Variants in LARGE1 observed in about 807,000 individuals in gnomAD.
LARGE1 encodes xylosyl- and glucuronyltransferase LARGE1.
Under a neutral mutation model 87.6 loss-of-function variants are expected in LARGE1, and 43 were observed. That is an observed-to-expected ratio of 0.49 (90% CI 0.38 to 0.63). The LOEUF (loss-of-function observed/expected upper bound fraction) is 0.63, where lower values mean the gene tolerates loss of function less well. Ranked by LOEUF, LARGE1 falls within the 30% of genes least tolerant of loss-of-function variation. The pLI, the probability that LARGE1 is intolerant of heterozygous loss-of-function variation, is 0.00. For synonymous variants in LARGE1, 434 were observed against 394.6 expected (o/e 1.10, Z -1.18); for missense variants, 802 against 1,000.2 (o/e 0.80, Z 2.67).
intron 3 of LARGE1, among the ~76,000 whole-genome samples, chr22:33,648,771 AC>A (rs1276117214): frequency 1.3e-5 from 2 of 152,214 alleles, no homozygotes; most frequent in Non-Finnish European, 2.9e-5. Flanking sequence ...AGCATTTATC[AC>A]GTCCTGACAT....
chr22:33,918,949 A>G (rs554989904), intron 1 of LARGE1, among the ~76,000 whole-genome samples: 64 of 151,928 alleles, frequency 4.2e-4, no homozygotes, highest in African/African-American at 1.5e-3. Context: ...GGGCACTTAC[A>G]TAAGACCCTG....
intron 1 of LARGE1, among the ~76,000 whole-genome samples, chr22:33,764,521 G>A (rs951450163): frequency 6.6e-6 from 1 of 152,124 alleles, no homozygotes. Context: ...ACTTTGGGAG[G>A]CCGAGGTGGG....
chr22:33,114,045 A>ATTTTTTT, the LARGE1 span, among the ~76,000 whole-genome samples: 2 of 135,748 alleles, frequency 1.5e-5, no homozygotes, highest in Admixed American at 7.4e-5. Flanking sequence ...TAATTTTTCT[A>ATTTTTTT]TTTTTTTTTT....
At chr22:33,159,935 T>TAAAAA (rs5845068), downstream of LARGE1, among the ~76,000 whole-genome samples, 1 of 144,104 alleles carries the variant, frequency 6.9e-6, no homozygotes. Context: ...CTATTAGTGG[T>TAAAAA]AAAAAAAAAA....
chr22:33,120,329 CTTTCTTTCTT>C, the LARGE1 span, among the ~76,000 whole-genome samples: 3 of 149,826 alleles, frequency 2.0e-5, no homozygotes, highest in South Asian at 4.4e-4. Context: ...CCTTTTCTTT[CTTTCTTTCTT>C]TTTCTTTCTT....
At chr22:33,651,498 C>A (rs936313059) in intron 2 of LARGE1, among the ~76,000 whole-genome samples, 4 of 151,878 alleles carry the variant, frequency 2.6e-5, no homozygotes, top group African/African-American at 9.7e-5. Flanking sequence ...TTAAAAGCAT[C>A]ACCTCTCAGG....
chr22:33,727,448 AAAAG>A (rs2083305086), intron 2 of LARGE1: 1 of 152,246 alleles, frequency 6.6e-6, no homozygotes. Context: ...CAAATAAAGT[AAAAG>A]AGTGTATCTA....
chr22:33,894,138 G>A (rs968792796), intron 1 of LARGE1, among the ~76,000 whole-genome samples: 3 of 151,896 alleles, frequency 2.0e-5, no homozygotes, highest in African/African-American at 7.3e-5. Flanking sequence ...TTGTGCTGTT[G>A]GTCCAGGCCC....
chr22:33,857,306 C>A (rs1023873943), intron 1 of LARGE1, among the ~76,000 whole-genome samples: 1 of 152,204 alleles, frequency 6.6e-6, no homozygotes, highest in Admixed American at 6.5e-5. Flanking sequence ...AACAGACTCC[C>A]CTCAAGGGCA....
the LARGE1 span, among the ~76,000 whole-genome samples, chr22:33,069,768 A>G: frequency 6.6e-6 from 1 of 152,146 alleles, no homozygotes; most frequent in African/African-American, 2.4e-5. Flanking sequence ...AATCAAAAAA[A>G]TAGGTAAATG....
intron 6 of LARGE1, among the ~76,000 whole-genome samples, chr22:33,544,195 C>G (rs1463367877): frequency 6.6e-6 from 1 of 152,186 alleles, no homozygotes; most frequent in Non-Finnish European, 1.5e-5. Context: ...ACCCCATGAG[C>G]CTTTTTCCTT....
At chr22:33,285,602 C>T (rs1031958008) in intron 12 of LARGE1, among the ~76,000 whole-genome samples, 5 of 151,574 alleles carry the variant, frequency 3.3e-5, no homozygotes, top group African/African-American at 4.9e-5. Flanking sequence ...CCACCCTGGG[C>T]GACAGAGCGA....
At chr22:33,141,169 ATCTCTCTC>A in the LARGE1 span, among the ~76,000 whole-genome samples, 512 of 143,960 alleles carry the variant, frequency 3.6e-3, 2 homozygotes, top group African/African-American at 0.012. Flanking sequence ...TATTCTCAGA[ATCTCTCTC>A]TCTCTCTCTC....
chr22:33,375,457 G>C (rs1192264459), intron 9 of LARGE1, among the ~76,000 whole-genome samples: 1 of 151,872 alleles, frequency 6.6e-6, no homozygotes, highest in Non-Finnish European at 1.5e-5. Flanking sequence ...AGACCAGCCT[G>C]GCATACATGG....
chr22:33,659,131 G>A (rs1311557686), intron 2 of LARGE1, among the ~76,000 whole-genome samples: 1 of 152,174 alleles, frequency 6.6e-6, no homozygotes, highest in African/African-American at 2.4e-5. Context: ...CCAGCTGCCT[G>A]ACTATCCAGC....
chr22:33,253,182 A>G (rs200807431), intron 11 of LARGE1, among the ~76,000 whole-genome samples: 1 of 152,260 alleles, frequency 6.6e-6, no homozygotes, highest in East Asian at 1.9e-4. Context: ...TAGATATGAT[A>G]GGGATAATGC....
At chr22:33,346,568 G>C (rs1939790621) in intron 9 of LARGE1, among the ~76,000 whole-genome samples, 1 of 152,124 alleles carries the variant, frequency 6.6e-6, no homozygotes, top group Admixed American at 6.5e-5. Context: ...CTCCTAAAGT[G>C]CTGGGATTAC....
chr22:33,070,235 T>A, the LARGE1 span, among the ~76,000 whole-genome samples: 1 of 152,260 alleles, frequency 6.6e-6, no homozygotes, highest in African/African-American at 2.4e-5. Flanking sequence ...GTATTACCTG[T>A]GCTTGGCACT....
chr22:33,848,942 C>G (rs953308528), intron 1 of LARGE1, among the ~76,000 whole-genome samples: 1 of 152,302 alleles, frequency 6.6e-6, no homozygotes, highest in East Asian at 1.9e-4. Context: ...TCTCCTCCAC[C>G]CCAGCCTGTC....
Sources: allele counts gnomAD v4.1 joint callset (sites outside exome capture counted in the v4.1 genomes callset), GRCh38; gene constraint gnomAD v4.1.1; transcripts MANE v1.5; gene names NCBI Gene and HGNC (gene_info 2026-07-23, HGNC 2026-07-21).